The following FIG4 variants were observed in gnomAD, a reference collection of about 807,000 sequenced individuals.
FIG4 encodes FIG4 phosphoinositide 5-phosphatase.
In FIG4, 112 loss-of-function variants were observed where a neutral mutation model predicts 118.6. That is an observed-to-expected ratio of 0.94 (90% confidence interval 0.81 to 1.11). The LOEUF is 1.11. Ranked by LOEUF, FIG4 falls within the 50% of genes least tolerant of loss-of-function variation. FIG4 has a pLI of 0.00. For missense variants in FIG4, 969 were observed against 1,111.7 expected (o/e 0.87, Z 1.83); for synonymous variants, 369 against 381.2 (o/e 0.97, Z 0.37).
intron 22 of FIG4, among the ~76,000 whole-genome samples, chr6:109,802,429 C>T (rs958539383): frequency 2.6e-5 from 4 of 152,106 alleles, no homozygotes; most frequent in Non-Finnish European, 1.5e-5. Context: ...ATTTAGTAGG[C>T]CTATGCAGTG....
In FIG4 at chr6:109,780,656, T is replaced by C. The variant is rs556099895; in HGVS notation, c.1889+3596T>C. 5.9e-5 allele frequency among the ~76,000 whole-genome samples: 9 copies of C among 152,352 alleles called. No homozygotes were observed. The East Asian group carries it at 1.5e-3, about 26-fold the overall frequency. On this transcript the variant is annotated intron_variant, in intron 16 of 22. Transcript: ENST00000230124. ...AGACTTTATTATTTATTCATGAGTG[T>C]TTTGAAATTTGTGGCATGCTGTATC...
rs116925973 is a variant in FIG4, at chr6:109,739,433, G to A, written c.775+980G>A. Among the ~76,000 whole-genome samples the A allele has an allele frequency of 2.2e-3, 329 of 152,164 alleles. 10 individuals carry two copies. In the East Asian group the frequency reaches 0.048, roughly 22 times the overall value. The stretch of plus-strand genomic sequence containing the variant: ...ATTCAGCATGTTTTCTAGTATGTTA[G>A]ACTTTTAAAGAAAAAGGCGTTTGTA... On this transcript the variant is annotated intron_variant, in intron 7 of 22. Coordinates refer to ENST00000230124, the MANE Select transcript of FIG4 (RefSeq NM_014845.6).
At position 109,765,135 on chromosome 6, in the gene FIG4, T is replaced by C. The variant is rs141052758; in HGVS notation, c.1557T>C (p.Asn519=). 5 of 1,614,136 alleles carry C rather than the reference T, an allele frequency of 3.1e-6. No homozygotes were observed. The Middle Eastern group carries it at 5.0e-4, about 160-fold the overall frequency. ...LYSLGLIDKP[N]LQFDTDAVRL... is the part of the protein sequence containing the mutation. The stretch of plus-strand genomic sequence containing the variant: ...CACTGGGACTGATTGACAAACCTAA[T>C]CTACAGTTTGATACAGATGCAGTTA... Residue 519 remains asparagine (N), a synonymous_variant, in exon 14 of 23, where the codon AAT becomes AAC. Coordinates refer to ENST00000230124, the MANE Select transcript of FIG4 (RefSeq NM_014845.6).
chr6:109,805,685 C>CT (rs1262674044), intron 22 of FIG4, among the ~76,000 whole-genome samples: 12 of 152,204 alleles, frequency 7.9e-5, no homozygotes, highest in African/African-American at 2.9e-4. Context: ...ACCATCTTGA[C>CT]TTTCTTAACG....
chr6:109,707,291 ATGTG>A (rs372863956), intron 1 of FIG4, among the ~76,000 whole-genome samples: 2 of 145,482 alleles, frequency 1.4e-5, no homozygotes, highest in East Asian at 2.0e-4. Context: ...ATATATATAT[ATGTG>A]TGTGTGTGTG....
Position 109,825,224 on chromosome 6 carries a change from T to C in FIG4, c.2683T>C (p.Ser895Pro). The change falls in exon 23 of 23, where the codon TCC becomes CCC. Residue 895 changes from serine to proline, a missense_variant. Around this residue, in one of 3 missense-constraint regions of FIG4, gnomAD observed 330 missense variants for 348.1 expected, o/e 0.95. Transcript: ENST00000230124. The part of the protein sequence containing the change: ...GIMQPLGKED[S>P]SMYREYIRNR... Reference sequence around the variant, plus strand: ...CATGCAGCCCCTAGGAAAAGAGGACTCCTCCATGTACCGAGAGTACATCAG... The same window carrying C: ...CATGCAGCCCCTAGGAAAAGAGGACCCCTCCATGTACCGAGAGTACATCAG... The C allele has an allele frequency of 6.2e-7, 1 of 1,614,042 alleles. No individual in the cohort carries two copies. Among genetic ancestry groups the C allele is most frequent in the Non-Finnish European group, 8.5e-7 (1 of 1,179,980 alleles).
intron 1 of FIG4, among the ~76,000 whole-genome samples, chr6:109,705,704 A>G (rs1195003194): frequency 1.3e-5 from 2 of 152,172 alleles, no homozygotes; most frequent in Non-Finnish European, 2.9e-5. Flanking sequence ...TAAAATCACA[A>G]ACTGCCAAAG....
intron 22 of FIG4, among the ~76,000 whole-genome samples, chr6:109,804,268 C>T (rs1000359450): frequency 2.6e-5 from 4 of 151,966 alleles, no homozygotes; most frequent in African/African-American, 9.7e-5. Flanking sequence ...GTTAGTTTAC[C>T]AAATTATCAT....
At chr6:109,713,519 C>T (rs537967764) in intron 1 of FIG4, among the ~76,000 whole-genome samples, 15 of 152,202 alleles carry the variant, frequency 9.9e-5, no homozygotes, top group African/African-American at 2.6e-4. Flanking sequence ...GGGATGAGGA[C>T]GGGGCAGGCT....
intron 4 of FIG4, among the ~76,000 whole-genome samples, chr6:109,731,335 G>A (rs1420149167): frequency 2.0e-5 from 3 of 152,148 alleles, no homozygotes; most frequent in African/African-American, 4.8e-5. Context: ...TCTTGTTTCC[G>A]TGTATCTGCC....
chr6:109,728,299 T>A (rs1775881417), intron 4 of FIG4, among the ~76,000 whole-genome samples: 1 of 152,190 alleles, frequency 6.6e-6, no homozygotes, highest in Non-Finnish European at 1.5e-5. Flanking sequence ...GGCATAGTGG[T>A]GTTAATTGTA....
chr6:109,786,486 GA>G, intron 18 of FIG4, 37 bp downstream of exon 18: 1 of 1,609,220 alleles, frequency 6.2e-7, no homozygotes, highest in Non-Finnish European at 8.5e-7. Context: ...AAGTATTTGA[GA>G]ACTGTAGTTT....
intron 10 of FIG4, among the ~76,000 whole-genome samples, chr6:109,745,472 C>G (rs934421445): frequency 4.6e-5 from 7 of 152,130 alleles, no homozygotes; most frequent in African/African-American, 1.7e-4. Flanking sequence ...ATATCCTTCG[C>G]CTACTTTTTG....
At chr6:109,762,313 G>A (rs922614246) in intron 12 of FIG4, 106 bp downstream of exon 12, 5 of 738,030 alleles carry the variant, frequency 6.8e-6, no homozygotes, top group Non-Finnish European at 1.2e-5. Flanking sequence ...ATTTAGTCCT[G>A]GGGGGAGGCA....
intron 15 of FIG4, among the ~76,000 whole-genome samples, chr6:109,775,760 G>A (rs962504934): frequency 4.6e-5 from 7 of 152,102 alleles, no homozygotes; most frequent in East Asian, 1.9e-4. Context: ...CTTTTAGCCC[G>A]AAAGGTAAGT....
intron 22 of FIG4, among the ~76,000 whole-genome samples, chr6:109,818,543 ATAT>A (rs1311884744): frequency 9.2e-5 from 14 of 152,124 alleles, no homozygotes; most frequent in South Asian, 6.2e-4. Flanking sequence ...ATGTTCTATT[ATAT>A]TATTAGGTAG....
At chr6:109,782,755 A>C (rs1350556886) in intron 16 of FIG4, among the ~76,000 whole-genome samples, 1 of 152,144 alleles carries the variant, frequency 6.6e-6, no homozygotes, top group East Asian at 1.9e-4. Flanking sequence ...CCCTGATCTG[A>C]CAGTCTGATT....
chr6:109,732,225 T>C (rs1776021951), intron 4 of FIG4, among the ~76,000 whole-genome samples: 1 of 152,264 alleles, frequency 6.6e-6, no homozygotes, highest in Non-Finnish European at 1.5e-5. Flanking sequence ...ATACCTTTTT[T>C]GGTGTAAAAA....
intron 10 of FIG4, among the ~76,000 whole-genome samples, chr6:109,757,595 A>G (rs1468709417): frequency 2.0e-5 from 3 of 152,188 alleles, no homozygotes; most frequent in African/African-American, 7.2e-5. Context: ...TCAACATGGT[A>G]TGGGAAGTTC....
Sources: allele counts gnomAD v4.1 joint callset (sites outside exome capture counted in the v4.1 genomes callset), GRCh38; gene constraint gnomAD v4.1.1; regional missense constraint gnomAD v4.1.1; transcripts MANE v1.5; gene names NCBI Gene and HGNC (gene_info 2026-07-23, HGNC 2026-07-21).